DTNA: variants seen among roughly 807,000 people sequenced by gnomAD.
The protein encoded by DTNA is dystrophin-related protein 3.
DTNA carries 43 observed loss-of-function variants against 100.7 expected under a neutral mutation model. The observed-to-expected ratio is 0.43, with a 90% CI of 0.33 to 0.55. The LOEUF is 0.55. Ranked by LOEUF, DTNA falls within the 20% of genes least tolerant of loss-of-function variation. The pLI is 0.04. For missense variants in DTNA, 798 were observed against 953.9 expected, an observed-to-expected ratio of 0.84 and a Z score of 2.15; for synonymous variants, 349 against 347.9, an observed-to-expected ratio of 1.00 and a Z score of -0.04.
chr18:34,758,274 C>T (rs1216032515), intron 2 of DTNA, among the ~76,000 whole-genome samples: 2 of 152,168 alleles, frequency 1.3e-5, no homozygotes, highest in African/African-American at 4.8e-5. Flanking sequence ...ACTTGTAAAT[C>T]TTCTCATCTA....
At chr18:34,790,025 GTC>G (rs1458687812) in intron 3 of DTNA, among the ~76,000 whole-genome samples, 4 of 152,308 alleles carry the variant, frequency 2.6e-5, no homozygotes, top group East Asian at 3.9e-4. Context: ...TCAAACCAGT[GTC>G]TCTGTGATTC....
At chr18:34,845,994 T>C (rs2096370315) in intron 13 of DTNA, among the ~76,000 whole-genome samples, 1 of 152,186 alleles carries the variant, frequency 6.6e-6, no homozygotes, top group South Asian at 2.1e-4. Flanking sequence ...TAAATACTCT[T>C]GAACAACTCT....
At chr18:34,617,744 A>G (rs1320437482) in intron 1 of DTNA, among the ~76,000 whole-genome samples, 6 of 152,162 alleles carry the variant, frequency 3.9e-5, no homozygotes, top group Non-Finnish European at 7.4e-5. Flanking sequence ...CTGTGACAAT[A>G]AAGTATTTTT....
chr18:34,596,714 A>G (rs933607272), intron 1 of DTNA, among the ~76,000 whole-genome samples: 6 of 152,156 alleles, frequency 3.9e-5, no homozygotes, highest in Non-Finnish European at 8.8e-5. Flanking sequence ...GATATCATTA[A>G]TGATTTCAGA....
chr18:34,603,329 A>G (rs2052350777), intron 1 of DTNA, among the ~76,000 whole-genome samples: 1 of 152,172 alleles, frequency 6.6e-6, no homozygotes, highest in Non-Finnish European at 1.5e-5. Context: ...CTCATGTAAT[A>G]CTTTTATATA....
intron 18 of DTNA, among the ~76,000 whole-genome samples, chr18:34,876,822 T>C (rs1025352930): frequency 3.3e-5 from 5 of 152,206 alleles, no homozygotes; most frequent in Non-Finnish European, 7.3e-5. Context: ...AAAATAACTT[T>C]TAATTTTTAG....
chr18:34,684,355 G>A (rs949942842), intron 1 of DTNA, among the ~76,000 whole-genome samples: 1 of 152,036 alleles, frequency 6.6e-6, no homozygotes, highest in Non-Finnish European at 1.5e-5. Context: ...GTGCCCATAT[G>A]TTCTCATTGT....
chr18:34,561,597 C>T (rs2046642986), intron 1 of DTNA, among the ~76,000 whole-genome samples: 1 of 151,934 alleles, frequency 6.6e-6, no homozygotes, highest in African/African-American at 2.4e-5. Context: ...CATGGTGGCT[C>T]ATTATTATTT....
chr18:34,747,104 C>CTATCTATATA (rs1041438583), intron 1 of DTNA, among the ~76,000 whole-genome samples: 4 of 148,228 alleles, frequency 2.7e-5, no homozygotes, highest in African/African-American at 1.0e-4. Context: ...ATATCTGTAT[C>CTATCTATATA]TATATATATA....
chr18:34,715,943 G>A (rs1038200858), intron 1 of DTNA, among the ~76,000 whole-genome samples: 2 of 152,046 alleles, frequency 1.3e-5, no homozygotes, highest in African/African-American at 4.8e-5. Flanking sequence ...TTTTTTAAAG[G>A]GGAAAGCAAA....
At chr18:34,886,994 G>A (rs2096927464) in intron 22 of DTNA, among the ~76,000 whole-genome samples, 1 of 152,158 alleles carries the variant, frequency 6.6e-6, no homozygotes, top group South Asian at 2.1e-4. Context: ...CAAAGTATAT[G>A]TGTCTCTTAT....
intron 11 of DTNA, among the ~76,000 whole-genome samples, chr18:34,830,110 A>G (rs1018631729): frequency 6.6e-6 from 1 of 152,238 alleles, no homozygotes; most frequent in African/African-American, 2.4e-5. Flanking sequence ...ATAGAAATCT[A>G]TCATGCCAGA....
chr18:34,553,262 C>A (rs9667559), intron 1 of DTNA, among the ~76,000 whole-genome samples: 1 of 150,490 alleles, frequency 6.6e-6, no homozygotes, highest in Non-Finnish European at 1.5e-5. Context: ...TGAGTTCATT[C>A]TAGATTCTGG....
rs917148499 is a variant in DTNA, at chr18:34,614,984, A to C, written c.-2+121470A>C. Among the ~76,000 whole-genome samples the C allele has an allele frequency of 4.6e-5, 7 of 152,332 alleles. No homozygotes were observed. The East Asian group carries it at 1.2e-3, about 25-fold the overall frequency. Reference sequence around the variant, plus strand: ...AAAGGAAGAGCCAATTAATGCAGCAAACATCATTGTTTCCTTATGTATTAC... The same window carrying C: ...AAAGGAAGAGCCAATTAATGCAGCACACATCATTGTTTCCTTATGTATTAC... On this transcript the variant is annotated intron_variant, in intron 1 of 19. Transcript: ENST00000283365.
chr18:34,667,933 G>A (rs1486888607), intron 1 of DTNA, among the ~76,000 whole-genome samples: 1 of 152,144 alleles, frequency 6.6e-6, no homozygotes, highest in Non-Finnish European at 1.5e-5. Flanking sequence ...GATGATGCTG[G>A]CCTCATAAAA....
Position 34,890,678 on chromosome 18 carries a change from C to A in DTNA, c.*2944C>A, listed in dbSNP as rs1040630204. Reference sequence around the variant, plus strand: ...AGGAAACAGTTGTGGTTGGTCAGGACGGAAGTTGGGGTAAGTTTGGTTGGT... The same window carrying A: ...AGGAAACAGTTGTGGTTGGTCAGGAAGGAAGTTGGGGTAAGTTTGGTTGGT... On this transcript the variant is annotated 3_prime_UTR_variant, in exon 23 of 23. Coordinates refer to ENST00000444659, the MANE Select transcript of DTNA (RefSeq NM_001386795.1). 3.1e-5 allele frequency: 21 copies of A among 671,548 alleles called. No homozygotes were observed. The highest frequency in any genetic ancestry group is 1.9e-4 in the Admixed American group (6 of 31,706). The allele number at this position is 671,548 out of a possible 1,614,324, so 41.6% of individuals were successfully genotyped here.
At position 34,596,974 on chromosome 18, in the gene DTNA, G is replaced by A. The variant is rs937443193; in HGVS notation, c.-2+103460G>A. On this transcript the variant is annotated intron_variant, in intron 1 of 19. Coordinates refer to the DTNA transcript ENST00000283365. ...CCCGTCAACCCGTCATCTACATCAC[G>A]TATTTCTCCTAATGCTATCCCTCCC... is the stretch of plus-strand genomic sequence containing the variant. Among the ~76,000 whole-genome samples the A allele has an allele frequency of 4.6e-5, 7 of 152,108 alleles. No individual in the cohort carries two copies. The South Asian group carries it at 1.5e-3, about 32-fold the overall frequency.
At chr18:34,837,880 G>A (rs576024097) in intron 11 of DTNA, among the ~76,000 whole-genome samples, 7 of 152,252 alleles carry the variant, frequency 4.6e-5, no homozygotes, top group South Asian at 2.1e-4. Context: ...GTCAAATCTG[G>A]GATCATGGTG....
intron 5 of DTNA, among the ~76,000 whole-genome samples, chr18:34,807,606 CAGTA>C (rs2095393761): frequency 6.6e-6 from 1 of 151,902 alleles, no homozygotes; most frequent in South Asian, 2.1e-4. Context: ...TCCAGTGGAC[CAGTA>C]AGTAAGTGAA....
Sources: gnomAD v4.1 joint callset for allele counts (sites outside exome capture counted in the v4.1 genomes callset) on GRCh38, gnomAD v4.1.1 for gene constraint, MANE v1.5 for transcripts, NCBI Gene and HGNC (gene_info 2026-07-23, HGNC 2026-07-21) for gene names.